NRG1: variants seen among roughly 807,000 people sequenced by gnomAD.
NRG1 encodes neuregulin 1.
Under a neutral mutation model 63.8 loss-of-function variants are expected in NRG1, and 18 were observed. The ratio of observed to expected loss-of-function variants is 0.28; its 90% CI spans 0.19 to 0.42. The LOEUF (loss-of-function observed/expected upper bound fraction) is 0.42. Among genes scored for constraint, NRG1 ranks in the 10% least tolerant of loss-of-function variants. NRG1 has a pLI of 1.00. For synonymous variants in NRG1, 302 were observed against 301.3 expected (o/e 1.00, Z -0.02); for missense variants, 762 against 814.7 (o/e 0.94, Z 0.79).
rs1292792076 is a variant in NRG1, at chr8:32,648,515, A to T, written c.502+31630A>T. On this transcript the variant is annotated intron_variant, in intron 5 of 11. Transcript: ENST00000356819. ...TTTGTTTAAGCAAAGCCTATGTTTGAGATGCTTGGGATGGCATTGAAGGGC... is the reference window on the plus strand; with the variant it reads ...TTTGTTTAAGCAAAGCCTATGTTTGTGATGCTTGGGATGGCATTGAAGGGC... 39 of 1,353,380 alleles carry T rather than the reference A, an allele frequency of 2.9e-5. No homozygotes were observed. In the East Asian group the frequency reaches 8.8e-4, roughly 31 times the overall value. The allele number at this position is 1,353,380 out of a possible 1,614,324, so 83.8% of individuals were successfully genotyped here.
chr8:31,903,306 G>T (rs1411357372), intron 1 of NRG1, among the ~76,000 whole-genome samples: 1 of 151,816 alleles, frequency 6.6e-6, no homozygotes, highest in Non-Finnish European at 1.5e-5. Flanking sequence ...CCACTACCAT[G>T]CCTGGCTATT....
intron 1 of NRG1, among the ~76,000 whole-genome samples, chr8:32,459,651 C>T (rs928689648): frequency 2.0e-5 from 3 of 151,672 alleles, no homozygotes; most frequent in Admixed American, 2.0e-4. Flanking sequence ...TTTTGTTGCT[C>T]CCTTGTTTAA....
chr8:31,911,768 C>T (rs868483754), intron 1 of NRG1, among the ~76,000 whole-genome samples: 8 of 152,110 alleles, frequency 5.3e-5, no homozygotes, highest in Admixed American at 3.3e-4. Flanking sequence ...GAAAGAATCA[C>T]GTTCAAAGAG....
intron 1 of NRG1, among the ~76,000 whole-genome samples, chr8:32,152,222 C>T (rs998368568): frequency 2.6e-5 from 4 of 152,180 alleles, no homozygotes; most frequent in African/African-American, 4.8e-5. Flanking sequence ...CTCTTCACTT[C>T]GTGTGTTAGT....
chr8:32,288,732 C>T (rs887808799), intron 1 of NRG1, among the ~76,000 whole-genome samples: 3 of 152,048 alleles, frequency 2.0e-5, no homozygotes, highest in East Asian at 1.9e-4. Flanking sequence ...GCATCGTCAG[C>T]GTGAGGAAGG....
chr8:32,378,185 C>A (rs558856131), intron 1 of NRG1, among the ~76,000 whole-genome samples: 1 of 152,138 alleles, frequency 6.6e-6, no homozygotes, highest in South Asian at 2.1e-4. Context: ...AAAGAAGGAA[C>A]AAGGCCAGCT....
At chr8:32,620,299 A>C (rs917818748) in intron 5 of NRG1, among the ~76,000 whole-genome samples, 10 of 152,120 alleles carry the variant, frequency 6.6e-5, no homozygotes, top group African/African-American at 2.4e-4. Flanking sequence ...ACATTCTTTG[A>C]ACTAATGACA....
intron 7 of NRG1, among the ~76,000 whole-genome samples, chr8:32,751,354 ACT>A (rs1349314692): frequency 1.3e-5 from 2 of 151,914 alleles, no homozygotes; most frequent in African/African-American, 4.8e-5. Flanking sequence ...AACCATGAAG[ACT>A]CTGGGGCATT....
chr8:32,466,426 G>A (rs1316676655), intron 1 of NRG1, among the ~76,000 whole-genome samples: 2 of 150,442 alleles, frequency 1.3e-5, no homozygotes, highest in African/African-American at 2.4e-5. Flanking sequence ...ATCTAAAAGT[G>A]CATTTGAATA....
chr8:31,922,857 T>G (rs1047830973), intron 1 of NRG1, among the ~76,000 whole-genome samples: 1 of 152,062 alleles, frequency 6.6e-6, no homozygotes, highest in Non-Finnish European at 1.5e-5. Context: ...TAAAAGAGCT[T>G]GTAGCTTAGT....
chr8:32,262,495 C>T (rs1474573570), intron 1 of NRG1, among the ~76,000 whole-genome samples: 3 of 152,232 alleles, frequency 2.0e-5, no homozygotes, highest in Non-Finnish European at 2.9e-5. Context: ...AACACTCAAC[C>T]GCAGACACCT....
At chr8:31,641,333 G>GTT (rs1382961710) in intron 1 of NRG1, among the ~76,000 whole-genome samples, 9 of 142,344 alleles carry the variant, frequency 6.3e-5, no homozygotes, top group African/African-American at 2.2e-4. Flanking sequence ...TATTGGTGGG[G>GTT]GTTTTTTTTT....
At chr8:31,815,123 C>T (rs984364588) in intron 1 of NRG1, among the ~76,000 whole-genome samples, 4 of 152,146 alleles carry the variant, frequency 2.6e-5, no homozygotes, top group Non-Finnish European at 5.9e-5. Flanking sequence ...TTTAAGTATA[C>T]GATTCACTGG....
intron 5 of NRG1, among the ~76,000 whole-genome samples, chr8:32,684,157 C>G (rs1351743646): frequency 6.6e-6 from 1 of 152,172 alleles, no homozygotes; most frequent in Non-Finnish European, 1.5e-5. Context: ...TACAGCGAGA[C>G]TTTATCTCAA....
chr8:32,069,630 GGACCTTTTTGGAA>G (rs1825443354), intron 1 of NRG1, among the ~76,000 whole-genome samples: 1 of 152,120 alleles, frequency 6.6e-6, no homozygotes, highest in Non-Finnish European at 1.5e-5. Flanking sequence ...CAGTGGAATG[GGACCTTTTTGGAA>G]GACTGCACCT....
chr8:32,569,504 T>C (rs1838105232), intron 1 of NRG1, among the ~76,000 whole-genome samples: 1 of 152,198 alleles, frequency 6.6e-6, no homozygotes, highest in South Asian at 2.1e-4. Context: ...TTTCTGTCTA[T>C]TTTCTCCTTT....
chr8:31,658,060 T>C (rs1407294973), intron 1 of NRG1, among the ~76,000 whole-genome samples: 2 of 152,214 alleles, frequency 1.3e-5, no homozygotes. Context: ...TTGAGAGTAG[T>C]AAAATCAGAT....
chr8:32,021,290 G>T (rs1816399462), intron 1 of NRG1, among the ~76,000 whole-genome samples: 1 of 100,234 alleles, frequency 1.0e-5, no homozygotes, highest in Non-Finnish European at 2.9e-5. Context: ...CCTGGCTTCT[G>T]GCAGGGGCTT....
chr8:31,982,475 G>A (rs1461124156), intron 1 of NRG1, among the ~76,000 whole-genome samples: 1 of 152,088 alleles, frequency 6.6e-6, no homozygotes, highest in African/African-American at 2.4e-5. Context: ...TACCAAGGCA[G>A]AGATGTGGAT....
Sources: allele counts gnomAD v4.1 joint callset (sites outside exome capture counted in the v4.1 genomes callset), GRCh38; gene constraint gnomAD v4.1.1; transcripts MANE v1.5; gene names NCBI Gene and HGNC (gene_info 2026-07-23, HGNC 2026-07-21).